Variants in MLH3 observed in about 807,000 individuals in gnomAD.
MLH3 encodes mutL homolog 3, also known as DNA mismatch repair protein Mlh3.
A neutral mutation model predicts 122.2 loss-of-function variants in MLH3; 82 were observed. That is an observed-to-expected ratio of 0.67 (90% confidence interval 0.56 to 0.81). The LOEUF is 0.81. Ranked by LOEUF, MLH3 falls within the 30% of genes least tolerant of loss-of-function variation. The probability of loss-of-function intolerance (pLI) is 0.00; values close to 1 mark genes in which losing one functional copy is unlikely to be tolerated. For synonymous variants in MLH3, 524 were observed against 599.5 expected (o/e 0.87, Z 1.84); for missense variants, 1,539 against 1,714.5 (o/e 0.90, Z 1.81).
In MLH3 at chr14:75,042,252, C is replaced by T. The variant is rs1005014837; in HGVS notation, c.3379+127G>A. On this transcript the variant is annotated intron_variant, in intron 3 of 12. Coordinates refer to ENST00000355774, the MANE Select transcript of MLH3 (RefSeq NM_001040108.2). ...AATTAGTTCCGCTGTTAAACAGGGC[C>T]GTGGGGAATTCCTGATTCCAGTACA... 11 of 812,802 alleles carry T rather than the reference C, an allele frequency of 1.4e-5. No homozygotes were observed. In the South Asian group the frequency reaches 1.5e-4, roughly 11 times the overall value. 50.3% of individuals were successfully genotyped at this position (812,802 alleles called of 1,614,324 possible).
chr14:75,034,654 T>A (rs1018908527), intron 6 of MLH3, among the ~76,000 whole-genome samples: 1 of 152,048 alleles, frequency 6.6e-6, no homozygotes, highest in African/African-American at 2.4e-5. Context: ...ACCATTCCCA[T>A]CTCCCTGGCT....
At chr14:75,044,131 A>G (rs1595078968) in intron 2 of MLH3, among the ~76,000 whole-genome samples, 1 of 152,042 alleles carries the variant, frequency 6.6e-6, no homozygotes, top group East Asian at 1.9e-4. Flanking sequence ...TTCATGTAAC[A>G]CTTTTATGTA....
rs1892294879 is a variant in MLH3, at chr14:75,047,128, A to G, written c.2528T>C (p.Met843Thr). ...CATAGGACTTTCTCTCAAACTAGGC[A>G]TCTGTTGTTCTAAACAATCTTCATC... ...SKDEDCLEQQ[M>T]PSLRESPMTL... is the part of the protein sequence containing the mutation. Residue 843 changes from methionine (M) to threonine (T), a missense_variant, in exon 2 of 13, where the codon ATG becomes ACG. Physicochemically the swap from Met to Thr is moderately conservative, Grantham distance 81. Coordinates refer to ENST00000355774, the MANE Select transcript of MLH3 (RefSeq NM_001040108.2). The G allele has an allele frequency of 6.2e-7, 1 of 1,614,084 alleles. No individual in the cohort carries two copies.
rs1566607594 is a variant in MLH3, at chr14:75,048,304, C to G, written c.1352G>C (p.Ser451Thr). 1 of 1,614,060 alleles carries G rather than the reference C, an allele frequency of 6.2e-7. No homozygotes were observed. Among genetic ancestry groups the G allele is most frequent in the Middle Eastern group, 1.6e-4 (1 of 6,062 alleles). ...YIYESGGPGH[S>T]KMTEPSLQNK... ...TTGTAAAGATGGCTCTGTCATTTTGCTATGGCCTGGACCACCTGATTCATA... is the reference window on the plus strand; with the variant it reads ...TTGTAAAGATGGCTCTGTCATTTTGGTATGGCCTGGACCACCTGATTCATA... The change falls in exon 2 of 13, where the codon AGC becomes ACC. Residue 451 changes from serine (S) to threonine (T), a missense_variant. Physicochemically the swap from Ser to Thr is moderately conservative, Grantham distance 58. Transcript: ENST00000355774.
intron 7 of MLH3, 29 bp downstream of exon 7, chr14:75,033,390 A>T: frequency 1.2e-6 from 2 of 1,608,634 alleles, no homozygotes; most frequent in Non-Finnish European, 1.7e-6. Context: ...GGAGTCTCAA[A>T]TTTTTTCTGG....
intron 2 of MLH3, among the ~76,000 whole-genome samples, chr14:75,043,481 G>T (rs28757003): frequency 2.6e-5 from 4 of 152,310 alleles, no homozygotes; most frequent in Admixed American, 1.3e-4. Flanking sequence ...CAAATGAAAG[G>T]TTCTCAATTC....
At position 75,042,374 on chromosome 14, in the gene MLH3, C is replaced by T; in HGVS notation, c.3379+5G>A. ...GTGTGCCCCAGCACTCTCTGCCACC[C>T]TTACCTCTGTTATCCTGTCTCATCA... On this transcript the variant is annotated splice_donor_5th_base_variant and intron_variant, in intron 3 of 12. Coordinates refer to ENST00000355774, the MANE Select transcript of MLH3 (RefSeq NM_001040108.2). 6.2e-7 allele frequency: 1 copy of T among 1,613,350 alleles called. No homozygotes were observed. Among genetic ancestry groups the T allele is most frequent in the Non-Finnish European group, 8.5e-7 (1 of 1,179,270 alleles).
At chr14:75,029,228 G>A (rs1890878154) in intron 9 of MLH3, among the ~76,000 whole-genome samples, 1 of 151,592 alleles carries the variant, frequency 6.6e-6, no homozygotes. Flanking sequence ...TATTCATTAA[G>A]TGGAAATGAA....
Position 75,048,940 on chromosome 14 carries a change from A to C in MLH3, c.716T>G (p.Ile239Ser), listed in dbSNP as rs777040433. Residue 239 changes from isoleucine to serine, a missense_variant, in exon 2 of 13, where the codon ATC (isoleucine) becomes AGC (serine). Physicochemically the swap from Ile to Ser is moderately radical, Grantham distance 142. Transcript: ENST00000355774. Reference protein sequence around the residue: ...KYKEFELSGYISSEAHYNKNM... With the variant: ...KYKEFELSGYSSSEAHYNKNM... ...CTTGTTGTAATGTGCTTCAGAGCTG[A>C]TATAGCCACTAAGCTCAAACTCTTT... 3.4e-5 allele frequency: 55 copies of C among 1,613,232 alleles called. 1 individual carries two copies. In the South Asian group the frequency reaches 3.4e-4, roughly 10 times the overall value.
At chr14:75,033,874 C>T (rs1891211605) in intron 6 of MLH3, among the ~76,000 whole-genome samples, 1 of 152,078 alleles carries the variant, frequency 6.6e-6, no homozygotes, top group Non-Finnish European at 1.5e-5. Flanking sequence ...CTAAGAAACT[C>T]TTTAGTTCAC....
intron 2 of MLH3, among the ~76,000 whole-genome samples, chr14:75,045,124 G>A (rs780968580): frequency 1.8e-4 from 28 of 152,222 alleles, no homozygotes; most frequent in Admixed American, 4.6e-4. Flanking sequence ...GAGGTCAGGA[G>A]ATCGAGACAA....
At chr14:75,051,199 C>T (rs1236106961) in intron 1 of MLH3, among the ~76,000 whole-genome samples, 181 bp downstream of exon 1, 1 of 152,128 alleles carries the variant, frequency 6.6e-6, no homozygotes, top group Non-Finnish European at 1.5e-5. Flanking sequence ...CAGGCCCAGC[C>T]CCTCCCTGGC....
At chr14:75,019,780 AT>A (rs1237483740) in intron 11 of MLH3, among the ~76,000 whole-genome samples, 12 of 152,064 alleles carry the variant, frequency 7.9e-5, no homozygotes, top group Non-Finnish European at 1.5e-4. Flanking sequence ...ACCTGCCTTT[AT>A]GCACAATTTA....
rs175049 is a variant in MLH3, at chr14:75,014,665, C to T, written c.*2417G>A. ...CTCAATGAAGTGTTGATGAATGTTACAGAAAAAGGAACTCTCAAGAATGGC... is the reference window on the plus strand; with the variant it reads ...CTCAATGAAGTGTTGATGAATGTTATAGAAAAAGGAACTCTCAAGAATGGC... On this transcript the variant is annotated 3_prime_UTR_variant, in exon 13 of 13. Coordinates refer to ENST00000355774, the MANE Select transcript of MLH3 (RefSeq NM_001040108.2). 82,039 of 204,380 alleles carry T rather than the reference C, an allele frequency of 0.4. 17,304 individuals are homozygous for T. The highest frequency in any genetic ancestry group is 0.47 in the Middle Eastern group (302 of 638). The allele number at this position is 204,380 out of a possible 1,614,324, so 12.7% of individuals were successfully genotyped here. A position where few individuals can be genotyped will look rare whatever the true frequency, so the allele number is the denominator to read the frequency against.
chr14:75,018,908 T>C lies in MLH3; in HGVS notation c.4163A>G (p.Gln1388Arg), dbSNP rs556360624. Residue 1388 changes from glutamine (Q) to arginine (R), a missense_variant, in exon 12 of 13, where the codon CAG (glutamine) becomes CGG (arginine). Gln to Arg is a conservative substitution (Grantham distance 43). Coordinates refer to ENST00000355774, the MANE Select transcript of MLH3 (RefSeq NM_001040108.2). Reference protein sequence around the residue: ...CRLIEALSSCQLPFQCAHGRP... With the variant: ...CRLIEALSSCRLPFQCAHGRP... ...CCCGTGAGCACACTGGAATGGCAGC[T>C]GGCATGAGGACAGAGCTTCAATAAG... The C allele has an allele frequency of 6.8e-6, 11 of 1,614,200 alleles. No homozygotes were observed. The African/African-American group carries it at 1.1e-4, about 16-fold the overall frequency.
At chr14:75,038,267 C>A (rs1171290585) in intron 6 of MLH3, 73 bp downstream of exon 6, 25 of 1,026,622 alleles carry the variant, frequency 2.4e-5, no homozygotes, top group Non-Finnish European at 3.7e-5. Flanking sequence ...ATATTATATA[C>A]CAAAAATAAT....
In MLH3 at chr14:75,018,881, C is replaced by T; in HGVS notation, c.4190G>A (p.Arg1397Lys). The T allele has an allele frequency of 1.2e-6, 2 of 1,614,134 alleles. No homozygotes were observed. The highest frequency in any genetic ancestry group is 1.7e-6 in the Non-Finnish European group (2 of 1,180,018). Residue 1397 changes from arginine (R) to lysine (K), a missense_variant, in exon 12 of 13, where the codon AGA becomes AAA. Physicochemically the swap from Arg to Lys is conservative, Grantham distance 26. Coordinates refer to ENST00000355774, the MANE Select transcript of MLH3 (RefSeq NM_001040108.2). ...CQLPFQCAHG[R>K]PSMLPLADID... Reference sequence around the variant, plus strand: ...GTCAGCTAACGGCAGCATAGAAGGTCTCCCGTGAGCACACTGGAATGGCAG... The same window carrying T: ...GTCAGCTAACGGCAGCATAGAAGGTTTCCCGTGAGCACACTGGAATGGCAG...
chr14:75,028,408 TC>T (rs1890798160), intron 9 of MLH3, among the ~76,000 whole-genome samples: 1 of 143,552 alleles, frequency 7.0e-6, no homozygotes, highest in Non-Finnish European at 1.5e-5. Flanking sequence ...ACTTCTGATT[TC>T]CCCCCAATTT....
At chr14:75,042,627 T>C (rs1288093690) in intron 2 of MLH3, 150 bp from the exon 3 acceptor site, 1 of 663,648 alleles carries the variant, frequency 1.5e-6, no homozygotes, top group South Asian at 1.7e-5. Context: ...AGAAATCCTT[T>C]AATGAAATTA....
Sources: allele counts gnomAD v4.1 joint callset (sites outside exome capture counted in the v4.1 genomes callset), GRCh38; gene constraint gnomAD v4.1.1; transcripts MANE v1.5; gene names NCBI Gene and HGNC (gene_info 2026-07-23, HGNC 2026-07-21).